The following SKAP1 variants were observed in gnomAD, a reference collection of about 807,000 sequenced individuals.
The protein encoded by SKAP1 is src kinase-associated phosphoprotein 1.
A neutral mutation model predicts 58.5 loss-of-function variants in SKAP1; 44 were observed. The observed-to-expected ratio is 0.75, with a 90% CI of 0.59 to 0.97. The LOEUF is 0.97. Ranked by LOEUF, SKAP1 falls within the 50% of genes least tolerant of loss-of-function variation. The probability of loss-of-function intolerance (pLI) is 0.00; values close to 1 mark genes in which losing one functional copy is unlikely to be tolerated. For synonymous variants in SKAP1, 127 were observed against 149.7 expected (o/e 0.85, Z 1.11); for missense variants, 390 against 435.2 (o/e 0.90, Z 0.92).
chr17:48,251,450 C>A (rs1404162010), intron 4 of SKAP1, among the ~76,000 whole-genome samples: 2 of 152,090 alleles, frequency 1.3e-5, no homozygotes, highest in Admixed American at 6.5e-5. Flanking sequence ...TTATGCAAAG[C>A]CTTGTTGTCA....
At chr17:48,353,019 A>G (rs1215618321) in intron 3 of SKAP1, among the ~76,000 whole-genome samples, 2 of 152,226 alleles carry the variant, frequency 1.3e-5, no homozygotes, top group Non-Finnish European at 2.9e-5. Context: ...AATTATGATT[A>G]TTAGTGATAA....
chr17:48,305,387 C>A (rs920833856), intron 4 of SKAP1, among the ~76,000 whole-genome samples: 13 of 152,264 alleles, frequency 8.5e-5, no homozygotes, highest in African/African-American at 3.1e-4. Flanking sequence ...CCACAATCAT[C>A]CATCTACGTA....
intron 4 of SKAP1, among the ~76,000 whole-genome samples, chr17:48,234,180 C>T (rs1029265718): frequency 1.3e-5 from 2 of 152,160 alleles, no homozygotes; most frequent in Non-Finnish European, 2.9e-5. Flanking sequence ...GCACTGGGTG[C>T]CATGCTGCTG....
intron 2 of SKAP1, among the ~76,000 whole-genome samples, chr17:48,391,893 TA>T (rs1567896028): frequency 6.6e-6 from 1 of 150,860 alleles, no homozygotes; most frequent in East Asian, 1.9e-4. Context: ...GTGAATAACA[TA>T]AATGTATTAA....
chr17:48,342,773 C>T (rs533627420), intron 4 of SKAP1, among the ~76,000 whole-genome samples: 5 of 152,224 alleles, frequency 3.3e-5, no homozygotes, highest in Middle Eastern at 3.4e-3. Context: ...ATCACGAAGT[C>T]AGGAGATCGA....
upstream of SKAP1, among the ~76,000 whole-genome samples, chr17:48,434,469 TACAC>T (rs2067931428): frequency 2.0e-5 from 3 of 152,186 alleles, no homozygotes; most frequent in African/African-American, 7.2e-5. Context: ...GGTCCTGTTA[TACAC>T]ACACTCACAC....
At chr17:48,388,348 C>T (rs1273964654) in intron 2 of SKAP1, among the ~76,000 whole-genome samples, 1 of 152,054 alleles carries the variant, frequency 6.6e-6, no homozygotes, top group Non-Finnish European at 1.5e-5. Flanking sequence ...GCAGGAGAAT[C>T]ACTTGAACCC....
Position 48,402,567 on chromosome 17 carries a change from C to A in SKAP1, c.47-5782G>T, listed in dbSNP as rs926757232. Among the ~76,000 whole-genome samples, 6 of 152,098 alleles carry A rather than the reference C, an allele frequency of 3.9e-5. No homozygotes were observed. In the South Asian group the frequency reaches 1.2e-3, roughly 32 times the overall value. ...CTGGTCTTGAACTCCTAGACTCAAG[C>A]AAACTGCCTGCCTTGGCTTCCCAAA... On this transcript the variant is annotated intron_variant, in intron 1 of 12. Coordinates refer to ENST00000336915, the MANE Select transcript of SKAP1 (RefSeq NM_003726.4).
intron 3 of SKAP1, among the ~76,000 whole-genome samples, chr17:48,357,446 C>T (rs991682813): frequency 1.1e-4 from 17 of 151,924 alleles, no homozygotes; most frequent in African/African-American, 3.6e-4. Context: ...CTGGCTAATA[C>T]GGTGAAACCC....
intron 4 of SKAP1, among the ~76,000 whole-genome samples, chr17:48,233,587 G>T (rs1361568327): frequency 6.6e-6 from 1 of 151,682 alleles, no homozygotes; most frequent in Non-Finnish European, 1.5e-5. Flanking sequence ...AAGTGTGGTG[G>T]CTTACACCTG....
intron 1 of SKAP1, among the ~76,000 whole-genome samples, chr17:48,427,189 A>G (rs570879603): frequency 5.8e-4 from 89 of 152,202 alleles, no homozygotes; most frequent in Non-Finnish European, 6.8e-4. Context: ...AATATTTATA[A>G]CATATGTGGC....
chr17:48,196,020 A>G (rs1171840686), intron 4 of SKAP1, among the ~76,000 whole-genome samples: 1 of 152,248 alleles, frequency 6.6e-6, no homozygotes, highest in Non-Finnish European at 1.5e-5. Context: ...AACCCTAACC[A>G]GTTTTAAATT....
chr17:48,342,754 G>A (rs934795351), intron 4 of SKAP1, among the ~76,000 whole-genome samples: 1 of 152,198 alleles, frequency 6.6e-6, no homozygotes, highest in Non-Finnish European at 1.5e-5. Flanking sequence ...GGGAGGCCAA[G>A]GCGGGTGGAT....
chr17:48,397,245 G>A lies in SKAP1; in HGVS notation c.47-460C>T, dbSNP rs369994109. ...AATTTCTTTCTTTCTTTTAGGGGGGGGATGGAGTCTCACTCTGTTGCCCAG... is the reference window on the plus strand; with the variant it reads ...AATTTCTTTCTTTCTTTTAGGGGGGAGATGGAGTCTCACTCTGTTGCCCAG... On this transcript the variant is annotated intron_variant, in intron 1 of 12. Coordinates refer to ENST00000336915, the MANE Select transcript of SKAP1 (RefSeq NM_003726.4). Among the ~76,000 whole-genome samples, 44 of 152,182 alleles carry A rather than the reference G, an allele frequency of 2.9e-4. 1 individual carries two copies. The East Asian group carries it at 5.6e-3, about 19-fold the overall frequency.
chr17:48,215,626 TC>T, intron 4 of SKAP1, among the ~76,000 whole-genome samples: 1 of 152,242 alleles, frequency 6.6e-6, no homozygotes, highest in African/African-American at 2.4e-5. Context: ...TCTCATGGCC[TC>T]CCCATTCTTT....
At chr17:48,408,770 T>C (rs1030071925) in intron 1 of SKAP1, among the ~76,000 whole-genome samples, 1 of 152,170 alleles carries the variant, frequency 6.6e-6, no homozygotes, top group Non-Finnish European at 1.5e-5. Flanking sequence ...ATGCCAAAAC[T>C]TTATGACTAA....
intron 4 of SKAP1, among the ~76,000 whole-genome samples, chr17:48,338,772 A>G (rs1474503847): frequency 4.6e-5 from 7 of 152,234 alleles, no homozygotes; most frequent in African/African-American, 1.7e-4. Context: ...TTAATTCTTC[A>G]TGAAAACATG....
At chr17:48,288,044 G>T (rs764023380) in intron 4 of SKAP1, among the ~76,000 whole-genome samples, 32 of 152,140 alleles carry the variant, frequency 2.1e-4, no homozygotes, top group Non-Finnish European at 3.7e-4. Context: ...GAGGAACTTG[G>T]TATATCTTTA....
At chr17:48,383,234 T>C (rs1110921) in intron 2 of SKAP1, among the ~76,000 whole-genome samples, 14,028 of 152,186 alleles carry the variant, frequency 0.092, 988 homozygotes, top group African/African-American at 0.17. Context: ...AAGTGAATGG[T>C]TTACTCAAGC....
Sources: gnomAD v4.1 joint callset for allele counts (sites outside exome capture counted in the v4.1 genomes callset) on GRCh38, gnomAD v4.1.1 for gene constraint, MANE v1.5 for transcripts, NCBI Gene and HGNC (gene_info 2026-07-23, HGNC 2026-07-21) for gene names.